Variants in LINGO2 observed in about 807,000 individuals in gnomAD.
LINGO2 encodes the protein leucine rich repeat and Ig domain containing 2.
Under a neutral mutation model 30.6 loss-of-function variants are expected in LINGO2, and 14 were observed. The observed-to-expected ratio is 0.46, with a 90% CI of 0.30 to 0.72. The LOEUF is 0.72. Among genes scored for constraint, LINGO2 ranks in the 30% least tolerant of loss-of-function variants. The probability of loss-of-function intolerance (pLI) is 0.07; values close to 1 mark genes in which losing one functional copy is unlikely to be tolerated. For missense variants in LINGO2, 729 were observed against 751.7 expected (o/e 0.97, Z 0.35); for synonymous variants, 317 against 288.5 (o/e 1.10, Z -1.00).
chr9:28,473,057 T>G (rs2135178765), intron 2 of LINGO2, among the ~76,000 whole-genome samples: 1 of 152,306 alleles, frequency 6.6e-6, no homozygotes, highest in East Asian at 1.9e-4. Flanking sequence ...TGTCAAGTAA[T>G]TACTACTGAC....
chr9:28,558,055 G>C (rs903526806), intron 1 of LINGO2, among the ~76,000 whole-genome samples: 3 of 149,822 alleles, frequency 2.0e-5, no homozygotes, highest in African/African-American at 7.4e-5. Flanking sequence ...TAGATGACGA[G>C]TTAGTGGGTG....
chr9:28,254,076 C>A (rs10812766), intron 4 of LINGO2, among the ~76,000 whole-genome samples: 31,827 of 151,876 alleles, frequency 0.21, 3,948 homozygotes, highest in Non-Finnish European at 0.29. Context: ...ATTTCATGGC[C>A]GTGTGACAAG....
chr9:28,413,485 C>T (rs948773109), intron 2 of LINGO2, among the ~76,000 whole-genome samples: 1 of 152,094 alleles, frequency 6.6e-6, no homozygotes, highest in Non-Finnish European at 1.5e-5. Context: ...GCTTAAAATG[C>T]TTTCCCTCCA....
the LINGO2 span, among the ~76,000 whole-genome samples, chr9:28,926,451 C>CA: frequency 6.6e-6 from 1 of 152,168 alleles, no homozygotes; most frequent in African/African-American, 2.4e-5. Context: ...TAAGAGGCTA[C>CA]TCCATCACCT....
the LINGO2 span, among the ~76,000 whole-genome samples, chr9:28,849,212 T>A: frequency 6.6e-6 from 1 of 151,998 alleles, no homozygotes; most frequent in Admixed American, 6.6e-5. Flanking sequence ...ACATCTCTAT[T>A]TGATGCTTTG....
intron 2 of LINGO2, among the ~76,000 whole-genome samples, chr9:28,425,359 A>T (rs1213502261): frequency 6.6e-6 from 1 of 150,512 alleles, no homozygotes; most frequent in Non-Finnish European, 1.5e-5. Context: ...ACATACATAT[A>T]CACATATATT....
chr9:28,189,299 G>A (rs1224087536), intron 4 of LINGO2, among the ~76,000 whole-genome samples: 10 of 63,398 alleles, frequency 1.6e-4, no homozygotes, highest in Middle Eastern at 6.8e-3. Context: ...GAGGAAGGAA[G>A]GAAGGGAGGA....
intron 1 of LINGO2, among the ~76,000 whole-genome samples, chr9:28,503,796 A>C (rs955669429): frequency 1.3e-5 from 2 of 152,024 alleles, no homozygotes; most frequent in East Asian, 3.9e-4. Context: ...GGTGGTGAGC[A>C]GGAGGAATTA....
the LINGO2 span, among the ~76,000 whole-genome samples, chr9:29,145,493 T>C: frequency 1.4e-4 from 21 of 152,206 alleles, no homozygotes; most frequent in African/African-American, 5.1e-4. Context: ...GAGAAAAAAT[T>C]CATACTACCA....
intron 2 of LINGO2, among the ~76,000 whole-genome samples, chr9:28,443,677 C>T (rs147561620): frequency 1.3e-5 from 2 of 152,330 alleles, no homozygotes; most frequent in African/African-American, 4.8e-5. Context: ...GCTACCTTGG[C>T]CCCCTCTGGA....
chr9:28,846,267 C>T, the LINGO2 span, among the ~76,000 whole-genome samples: 22 of 151,676 alleles, frequency 1.5e-4, no homozygotes, highest in Admixed American at 1.3e-4. Context: ...TTCTTTTCCA[C>T]TCAAAGGCCT....
chr9:28,645,093 C>G (rs1827775806), intron 1 of LINGO2, among the ~76,000 whole-genome samples: 1 of 152,004 alleles, frequency 6.6e-6, no homozygotes, highest in Non-Finnish European at 1.5e-5. Context: ...AACAAAATAC[C>G]ACAGCTATAT....
the LINGO2 span, among the ~76,000 whole-genome samples, chr9:28,968,451 A>C: frequency 5.5e-3 from 833 of 152,288 alleles, 7 homozygotes; most frequent in African/African-American, 0.019. Context: ...TAAAGTAAAA[A>C]TCTCATTGTA....
intron 4 of LINGO2, among the ~76,000 whole-genome samples, chr9:28,272,626 C>T (rs1446767298): frequency 6.6e-6 from 1 of 151,846 alleles, no homozygotes; most frequent in East Asian, 1.9e-4. Flanking sequence ...TTTAATATTG[C>T]CTTTCTTCCT....
At chr9:28,313,899 C>T (rs376780571) in intron 3 of LINGO2, among the ~76,000 whole-genome samples, 6 of 152,086 alleles carry the variant, frequency 3.9e-5, no homozygotes, top group African/African-American at 1.4e-4. Context: ...TTGCTCAACA[C>T]GTTGAGAATT....
chr9:28,545,460 T>A (rs1821889015), intron 1 of LINGO2, among the ~76,000 whole-genome samples: 1 of 152,050 alleles, frequency 6.6e-6, no homozygotes, highest in Non-Finnish European at 1.5e-5. Context: ...AGGTAAGGGA[T>A]CTGCAAAAAT....
At chr9:29,100,706 A>C in the LINGO2 span, among the ~76,000 whole-genome samples, 1 of 152,196 alleles carries the variant, frequency 6.6e-6, no homozygotes, top group Non-Finnish European at 1.5e-5. Flanking sequence ...TTTTAAAAAT[A>C]ACTGAAAGAG....
chr9:28,795,799 A>T, the LINGO2 span, among the ~76,000 whole-genome samples: 2 of 152,018 alleles, frequency 1.3e-5, no homozygotes, highest in African/African-American at 4.8e-5. Context: ...TTTCAAAAAG[A>T]TCCTTACTAT....
At chr9:28,125,913 T>C (rs981181286) in intron 4 of LINGO2, among the ~76,000 whole-genome samples, 1 of 152,194 alleles carries the variant, frequency 6.6e-6, no homozygotes, top group Non-Finnish European at 1.5e-5. Flanking sequence ...TCATTTGTGA[T>C]AAACACTCTC....
Sources: allele counts gnomAD v4.1 joint callset (sites outside exome capture counted in the v4.1 genomes callset), GRCh38; gene constraint gnomAD v4.1.1; transcripts MANE v1.5; gene names NCBI Gene and HGNC (gene_info 2026-07-23, HGNC 2026-07-21).